Variants in RGS8 observed in about 807,000 individuals in gnomAD.
RGS8 encodes regulator of G-protein signaling 8.
In RGS8, 8 loss-of-function variants were observed where a neutral mutation model predicts 21.7. That is an observed-to-expected ratio of 0.37 (90% CI 0.22 to 0.66). The LOEUF is 0.66. Among genes scored for constraint, RGS8 ranks in the 30% least tolerant of loss-of-function variants. The pLI, the probability that RGS8 is intolerant of heterozygous loss-of-function variation, is 0.59. For missense variants in RGS8, 157 were observed against 217.9 expected (o/e 0.72, Z 1.76); for synonymous variants, 80 against 83.6 (o/e 0.96, Z 0.24).
At chr1:182,737,859 A>G in the RGS8 span, among the ~76,000 whole-genome samples, 1 of 152,160 alleles carries the variant, frequency 6.6e-6, no homozygotes, top group Non-Finnish European at 1.5e-5. Context: ...CCAGCATGTG[A>G]GAAACTGAGG....
the RGS8 span, among the ~76,000 whole-genome samples, chr1:182,690,623 T>G: frequency 6.6e-6 from 1 of 152,246 alleles, no homozygotes; most frequent in Non-Finnish European, 1.5e-5. Context: ...TCTACAATTC[T>G]GTGCTTCATT....
chr1:182,739,184 G>A, the RGS8 span, among the ~76,000 whole-genome samples: 1 of 152,178 alleles, frequency 6.6e-6, no homozygotes, highest in Non-Finnish European at 1.5e-5. Context: ...AAATATGCTG[G>A]ATACAGTCAG....
the RGS8 span, chr1:182,734,647 T>C: frequency 1.3e-5 from 2 of 152,212 alleles, no homozygotes; most frequent in South Asian, 4.1e-4. Flanking sequence ...AAGACAATCT[T>C]CCTGTAATAG....
At chr1:182,721,401 C>G in the RGS8 span, among the ~76,000 whole-genome samples, 1 of 152,090 alleles carries the variant, frequency 6.6e-6, no homozygotes, top group African/African-American at 2.4e-5. Flanking sequence ...AAATTAATCT[C>G]ACTCTCTCAA....
intron 4 of RGS8, among the ~76,000 whole-genome samples, chr1:182,666,257 T>C (rs1052998468): frequency 6.6e-6 from 1 of 152,260 alleles, no homozygotes; most frequent in South Asian, 2.1e-4. Flanking sequence ...GTGAATTTTG[T>C]CTGTTGGCTT....
the RGS8 span, among the ~76,000 whole-genome samples, chr1:182,694,018 G>A: frequency 6.6e-6 from 1 of 151,946 alleles, no homozygotes; most frequent in African/African-American, 2.4e-5. Flanking sequence ...TACCCTACTG[G>A]GTACTGTGCT....
chr1:182,680,664 T>C (rs897297073), intron 1 of RGS8, among the ~76,000 whole-genome samples: 1 of 152,206 alleles, frequency 6.6e-6, no homozygotes, highest in Non-Finnish European at 1.5e-5. Context: ...TTTAAGTGTC[T>C]CCTATGTGCC....
At chr1:182,718,625 A>G in the RGS8 span, among the ~76,000 whole-genome samples, 2 of 152,178 alleles carry the variant, frequency 1.3e-5, no homozygotes, top group Non-Finnish European at 2.9e-5. Context: ...ATAACAGCTG[A>G]GAGGACAGGT....
the RGS8 span, among the ~76,000 whole-genome samples, chr1:182,719,854 C>G: frequency 6.6e-6 from 1 of 152,118 alleles, no homozygotes; most frequent in African/African-American, 2.4e-5. Flanking sequence ...AAATATGTTA[C>G]ACACTGTAGC....
chr1:182,671,974 G>A (rs1664187379), upstream of RGS8: 3 of 1,305,508 alleles, frequency 2.3e-6, no homozygotes, highest in African/African-American at 3.0e-5. Context: ...GGCACAGTCT[G>A]CACGCCCATC....
At chr1:182,735,153 G>T in the RGS8 span, among the ~76,000 whole-genome samples, 1 of 152,026 alleles carries the variant, frequency 6.6e-6, no homozygotes, top group African/African-American at 2.4e-5. Flanking sequence ...CTACTATACT[G>T]GGCAGTGCAG....
the RGS8 span, among the ~76,000 whole-genome samples, chr1:182,743,813 C>T: frequency 6.6e-6 from 1 of 152,216 alleles, no homozygotes; most frequent in African/African-American, 2.4e-5. Context: ...CACACATACA[C>T]ATGCATACAA....
chr1:182,647,536 G>A (rs1662759693), intron 6 of RGS8, among the ~76,000 whole-genome samples: 1 of 152,128 alleles, frequency 6.6e-6, no homozygotes, highest in African/African-American at 2.4e-5. Flanking sequence ...CCCCTCCCAA[G>A]TGAAATTCTG....
the RGS8 span, among the ~76,000 whole-genome samples, chr1:182,689,906 T>C: frequency 2.5e-4 from 38 of 152,346 alleles, 1 homozygote; most frequent in East Asian, 7.1e-3. Context: ...TTCTAGGGAA[T>C]AGAATTTAAA....
At chr1:182,722,178 A>G in the RGS8 span, among the ~76,000 whole-genome samples, 5 of 151,808 alleles carry the variant, frequency 3.3e-5, no homozygotes, top group East Asian at 9.7e-4. Flanking sequence ...AAAGTTGCCA[A>G]AAAAAAGGAA....
chr1:182,727,575 T>C, the RGS8 span, among the ~76,000 whole-genome samples: 1 of 152,202 alleles, frequency 6.6e-6, no homozygotes, highest in South Asian at 2.1e-4. Context: ...TGGAATTAGA[T>C]AACTAAAAGC....
upstream of RGS8, among the ~76,000 whole-genome samples, chr1:182,676,911 C>T (rs371910162): frequency 9.2e-5 from 14 of 152,228 alleles, no homozygotes; most frequent in African/African-American, 2.4e-5. Flanking sequence ...CACACCTGCC[C>T]GGTCTATTTC....
intron 1 of RGS8, among the ~76,000 whole-genome samples, chr1:182,682,889 C>A (rs1664582550): frequency 6.6e-6 from 1 of 151,520 alleles, no homozygotes; most frequent in Non-Finnish European, 1.5e-5. Context: ...AGTGGCATGG[C>A]TGTTGTGACT....
chr1:182,643,476 C>T (rs1358119716), downstream of RGS8: 1 of 152,062 alleles, frequency 6.6e-6, no homozygotes, highest in Non-Finnish European at 1.5e-5. Flanking sequence ...GGGGTGGGAC[C>T]TGGACATCTG....
Sources: allele counts gnomAD v4.1 joint callset (sites outside exome capture counted in the v4.1 genomes callset), GRCh38; gene constraint gnomAD v4.1.1; transcripts MANE v1.5; gene names NCBI Gene and HGNC (gene_info 2026-07-23, HGNC 2026-07-21).